Variants in LRIG3 observed in about 807,000 individuals in gnomAD.
LRIG3 encodes leucine-rich repeats and immunoglobulin-like domains protein 3.
LRIG3 carries 76 observed loss-of-function variants against 114.5 expected under a neutral mutation model. That is an observed-to-expected ratio of 0.66 (90% CI 0.55 to 0.80). The LOEUF is 0.80. LRIG3 is among the 30% of genes least tolerant of loss of function. The pLI, the probability that LRIG3 is intolerant of heterozygous loss-of-function variation, is 0.00. For synonymous variants in LRIG3, 512 were observed against 519.8 expected (o/e 0.98, Z 0.20); for missense variants, 1,239 against 1,382.8 (o/e 0.90, Z 1.65).
chr12:58,888,997 CAAT>C (rs1871366921), intron 5 of LRIG3, 35 bp from the exon 6 acceptor site: 1 of 1,589,040 alleles, frequency 6.3e-7, no homozygotes, highest in Middle Eastern at 1.7e-4. Flanking sequence ...GCTTATATGA[CAAT>C]TAAATTCTGG....
chr12:58,900,787 G>A (rs1437375295), intron 3 of LRIG3, among the ~76,000 whole-genome samples: 2 of 152,106 alleles, frequency 1.3e-5, no homozygotes, highest in East Asian at 3.8e-4. Context: ...ACAGACCAAC[G>A]GACCAGAATG....
intron 1 of LRIG3, chr12:58,919,627 C>T (rs1355986770): frequency 3.4e-6 from 5 of 1,477,388 alleles, no homozygotes; most frequent in Non-Finnish European, 4.5e-6. Flanking sequence ...GAACTGCAAA[C>T]TCCTGATGTG....
At position 58,872,564 on chromosome 12, in the gene LRIG3, C is replaced by G; in HGVS notation, c.*8G>C. The G allele has an allele frequency of 6.2e-7, 1 of 1,603,712 alleles. No individual in the cohort carries two copies. The highest frequency in any genetic ancestry group is 1.3e-5 in the African/African-American group (1 of 74,574). The stretch of plus-strand genomic sequence containing the variant: ...GTATGTTAAGCTTTTCCTTTGGTCT[C>G]ATTCAGTCTATGTGTCCAAGTCATA... On this transcript the variant is annotated 3_prime_UTR_variant, in exon 19 of 19. Coordinates refer to ENST00000320743, the MANE Select transcript of LRIG3 (RefSeq NM_153377.5).
intron 8 of LRIG3, 70 bp downstream of exon 8, chr12:58,887,719 G>A (rs766483638): frequency 5.2e-6 from 8 of 1,528,854 alleles, no homozygotes; most frequent in Non-Finnish European, 7.2e-6. Flanking sequence ...AAGGAAATCT[G>A]CTAGGAGAAA....
intron 4 of LRIG3, 30 bp downstream of exon 4, chr12:58,890,635 A>G: frequency 6.5e-7 from 1 of 1,546,088 alleles, no homozygotes; most frequent in Non-Finnish European, 8.7e-7. Context: ...ATTACAGGTG[A>G]AAGTTTTTGC....
intron 16 of LRIG3, 90 bp from the exon 17 acceptor site, chr12:58,874,663 GAA>G (rs757653679): frequency 2.6e-6 from 4 of 1,526,866 alleles, no homozygotes; most frequent in Non-Finnish European, 3.5e-6. Flanking sequence ...ATTTATAGAT[GAA>G]AGTTTGACTA....
chr12:58,880,885 G>C lies in LRIG3; in HGVS notation c.1497C>G (p.Pro499=), dbSNP rs1417527316. The C allele has an allele frequency of 1.9e-6, 3 of 1,611,076 alleles. No homozygotes were observed. The highest frequency in any genetic ancestry group is 2.2e-5 in the South Asian group (2 of 91,016). The change falls in exon 13 of 19, where the codon CCC becomes CCG. Residue 499 remains proline (P), a synonymous_variant. Transcript: ENST00000320743. ...DGFVCDDFPK[P]QITVQPETQS... ...GTGTTTCTGGCTGAACCGTGATCTG[G>C]GGTTTGGGAAAATCATCTGTTAAAA...
chr12:58,902,198 T>C (rs1421513639), intron 3 of LRIG3, among the ~76,000 whole-genome samples: 1 of 152,176 alleles, frequency 6.6e-6, no homozygotes, highest in East Asian at 1.9e-4. Context: ...TACTGTCCTC[T>C]ATCCTAGGTC....
intron 3 of LRIG3, among the ~76,000 whole-genome samples, chr12:58,913,154 CCT>C (rs1262601462): frequency 2.6e-5 from 4 of 152,320 alleles, no homozygotes; most frequent in Non-Finnish European, 5.9e-5. Flanking sequence ...CCTCCCAACA[CCT>C]CTCTCAGAAG....
rs1871403252 is a variant in LRIG3 at position 58,890,088 on chromosome 12, A to G, written c.567T>C (p.Asn189=). 6.2e-7 allele frequency: 1 copy of G among 1,613,862 alleles called. No homozygotes were observed. The highest frequency in any genetic ancestry group is 2.2e-5 in the East Asian group (1 of 44,862). The change falls in exon 5 of 19, where the codon AAT becomes AAC. Residue 189 remains asparagine, a synonymous_variant. Coordinates refer to ENST00000320743, the MANE Select transcript of LRIG3 (RefSeq NM_153377.5). ...TTAACACAAGGAGTGTGTTGGCCAA[A>G]TTGTCAAAATACCCAGGTTCCATTG... The part of the protein sequence containing the change: ...VTSMEPGYFD[N]LANTLLVLKL...
intron 3 of LRIG3, among the ~76,000 whole-genome samples, chr12:58,900,203 A>C (rs1871793443): frequency 3.3e-5 from 5 of 151,994 alleles, no homozygotes; most frequent in African/African-American, 1.2e-4. Context: ...AAAAGTTTTA[A>C]TCAATCCTGT....
intron 13 of LRIG3, chr12:58,880,378 T>G (rs1871084305): frequency 4.3e-6 from 3 of 699,780 alleles, no homozygotes. Flanking sequence ...CCACACTGAG[T>G]ACGGTGTCGT....
chr12:58,876,311 A>G, intron 16 of LRIG3, 134 bp downstream of exon 16: 2 of 859,676 alleles, frequency 2.3e-6, no homozygotes, highest in South Asian at 3.6e-5. Context: ...ATACAATTTC[A>G]ACCTTGCTAG....
chr12:58,912,078 C>G (rs1235892385), intron 3 of LRIG3, among the ~76,000 whole-genome samples: 1 of 152,086 alleles, frequency 6.6e-6, no homozygotes, highest in Non-Finnish European at 1.5e-5. Context: ...GATTTCACAC[C>G]CAGCACTTGC....
At chr12:58,909,300 A>G (rs1872183634) in intron 3 of LRIG3, among the ~76,000 whole-genome samples, 1 of 152,218 alleles carries the variant, frequency 6.6e-6, no homozygotes, top group Admixed American at 6.5e-5. Context: ...AGTACCCAGA[A>G]CATAGTAGGA....
At chr12:58,919,611 C>G (rs1872599102) in intron 1 of LRIG3, 2 of 1,505,952 alleles carry the variant, frequency 1.3e-6, no homozygotes, top group Non-Finnish European at 1.8e-6. Flanking sequence ...ACTCATAACT[C>G]AGCGAGAACT....
At position 58,872,590 on chromosome 12, in the gene LRIG3, A is replaced by C. The variant is rs1484450169; in HGVS notation, c.3342T>G (p.Ser1114=). Residue 1114 remains serine (S), a synonymous_variant, in exon 19 of 19, where the codon TCT becomes TCG. Transcript: ENST00000320743. Reference sequence around the variant, plus strand: ...ATTCAGTCTATGTGTCCAAGTCATAAGACTGAAAATTTGGAGTCCTGTAGT... The same window carrying C: ...ATTCAGTCTATGTGTCCAAGTCATACGACTGAAAATTTGGAGTCCTGTAGT... ...LENYRTPNFQ[S]YDLDT is the part of the protein sequence containing the mutation. The C allele has an allele frequency of 6.2e-7, 1 of 1,613,592 alleles. No homozygotes were observed.
chr12:58,919,977 C>A (rs755252006), intron 1 of LRIG3, 23 bp downstream of exon 1: 8 of 1,521,346 alleles, frequency 5.3e-6, no homozygotes, highest in South Asian at 2.4e-5. Context: ...CGGGCCCCCT[C>A]CCCCCGCGGG....
rs1872381528 is a variant in LRIG3 at position 58,914,041 on chromosome 12, ATTG to A, written c.321_323del (p.Asn108del). On this transcript the variant is annotated inframe_deletion, in exon 3 of 19. Coordinates refer to ENST00000320743, the MANE Select transcript of LRIG3 (RefSeq NM_153377.5). ...CCAGATTTGGAATGGTCTCCAATTC[ATTG>A]TTGTTCAGTTTCCTACAAATGCCAA... 2.5e-6 allele frequency: 4 copies of A among 1,610,212 alleles called. No individual in the cohort carries two copies. Among genetic ancestry groups the A allele is most frequent in the Non-Finnish European group, 3.4e-6 (4 of 1,179,218 alleles).
Sources: allele counts gnomAD v4.1 joint callset (sites outside exome capture counted in the v4.1 genomes callset), GRCh38; gene constraint gnomAD v4.1.1; transcripts MANE v1.5; gene names NCBI Gene and HGNC (gene_info 2026-07-23, HGNC 2026-07-21).